The following SORBS2 variants were observed in gnomAD, a reference collection of about 807,000 sequenced individuals.
The protein encoded by SORBS2 is sorbin and SH3 domain containing 2.
SORBS2 carries 46 observed loss-of-function variants against 97.7 expected under a neutral mutation model. The ratio of observed to expected loss-of-function variants is 0.47; its 90% confidence interval spans 0.37 to 0.60. The LOEUF (loss-of-function observed/expected upper bound fraction) is 0.60, where lower values mean the gene tolerates loss of function less well. Among genes scored for constraint, SORBS2 ranks in the 20% least tolerant of loss-of-function variants. The pLI, the probability that SORBS2 is intolerant of heterozygous loss-of-function variation, is 0.00. For synonymous variants in SORBS2, 476 were observed against 473.4 expected (o/e 1.01, Z -0.07); for missense variants, 1,316 against 1,282.3 (o/e 1.03, Z -0.40).
chr4:185,698,717 C>T (rs1168404078), intron 2 of SORBS2, among the ~76,000 whole-genome samples: 1 of 152,146 alleles, frequency 6.6e-6, no homozygotes, highest in Non-Finnish European at 1.5e-5. Flanking sequence ...GTTTCTTCCT[C>T]TAAGACTAAT....
intron 2 of SORBS2, among the ~76,000 whole-genome samples, chr4:185,708,254 A>G (rs1041121426): frequency 1.3e-4 from 20 of 152,228 alleles, no homozygotes; most frequent in Admixed American, 1.0e-3. Context: ...CATATTAAGC[A>G]TGTCATTCCT....
intron 1 of SORBS2, among the ~76,000 whole-genome samples, chr4:185,809,796 T>C (rs189854244): frequency 6.6e-6 from 1 of 152,346 alleles, no homozygotes; most frequent in African/African-American, 2.4e-5. Context: ...CTTGTCTCAC[T>C]TGGTGCCACT....
At chr4:185,746,666 C>A (rs1169413692) in intron 2 of SORBS2, among the ~76,000 whole-genome samples, 2 of 152,072 alleles carry the variant, frequency 1.3e-5, no homozygotes, top group Admixed American at 6.6e-5. Context: ...CAGTCCCAGA[C>A]CAGGCCAAGT....
At chr4:185,757,627 T>G (rs1486285516) in intron 2 of SORBS2, among the ~76,000 whole-genome samples, 6 of 149,862 alleles carry the variant, frequency 4.0e-5, no homozygotes, top group Admixed American at 3.3e-4. Context: ...TCCTGGGAAA[T>G]TAAATCACTG....
At chr4:185,613,324 T>C (rs2096571238) in intron 11 of SORBS2, among the ~76,000 whole-genome samples, 1 of 152,150 alleles carries the variant, frequency 6.6e-6, no homozygotes, top group Non-Finnish European at 1.5e-5. Context: ...TTTTGTGTGC[T>C]TCACCACCGC....
intron 1 of SORBS2, among the ~76,000 whole-genome samples, chr4:185,782,867 G>C (rs1035883025): frequency 2.0e-5 from 3 of 152,228 alleles, no homozygotes; most frequent in Non-Finnish European, 4.4e-5. Context: ...TTATTTGAAA[G>C]GAGCTATGGA....
chr4:185,648,960 T>C (rs1050123118), intron 3 of SORBS2, among the ~76,000 whole-genome samples: 2 of 152,222 alleles, frequency 1.3e-5, no homozygotes, highest in African/African-American at 2.4e-5. Flanking sequence ...TTTATTTTCA[T>C]GTAGATAGTT....
chr4:185,595,953 G>C (rs2096075648), intron 12 of SORBS2, among the ~76,000 whole-genome samples: 1 of 152,080 alleles, frequency 6.6e-6, no homozygotes, highest in Non-Finnish European at 1.5e-5. Flanking sequence ...GTACTCAAAA[G>C]TAACTTGAAA....
At chr4:185,955,546 G>A (rs1045758561) in intron 1 of SORBS2, among the ~76,000 whole-genome samples, 5 of 152,158 alleles carry the variant, frequency 3.3e-5, no homozygotes, top group Non-Finnish European at 5.9e-5. Flanking sequence ...TTTCTCATGG[G>A]TCTTTTGTTA....
chr4:185,872,545 C>G (rs976430850), intron 1 of SORBS2, among the ~76,000 whole-genome samples: 1 of 152,166 alleles, frequency 6.6e-6, no homozygotes, highest in Non-Finnish European at 1.5e-5. Context: ...CAATAACAAT[C>G]ACTTTCAAGG....
At chr4:185,638,217 G>C in intron 4 of SORBS2, 55 bp from the exon 15 acceptor site, 1 of 1,066,982 alleles carries the variant, frequency 9.4e-7, no homozygotes, top group Non-Finnish European at 1.4e-6. Context: ...CAAAGTGAGG[G>C]AAACGCTGTG....
At chr4:185,657,965 G>A (rs2097436350), upstream of SORBS2, among the ~76,000 whole-genome samples, 1 of 152,162 alleles carries the variant, frequency 6.6e-6, no homozygotes, top group Non-Finnish European at 1.5e-5. Flanking sequence ...ATAAGGGGCA[G>A]GAGCTGAGAC....
intron 4 of SORBS2, 122 bp downstream of exon 14, chr4:185,638,755 C>T: frequency 2.2e-6 from 2 of 896,658 alleles, no homozygotes; most frequent in Non-Finnish European, 3.2e-6. Flanking sequence ...TGAGAAGATT[C>T]TGGGGCCTGG....
chr4:185,587,514 A>G, exon 15 of SORBS2: 1 of 847,958 alleles, frequency 1.2e-6, no homozygotes, highest in Non-Finnish European at 1.9e-6. Flanking sequence ...GGAGATGGTG[A>G]CGGCGCATTG....
At chr4:185,765,933 A>G (rs926869013) in intron 2 of SORBS2, among the ~76,000 whole-genome samples, 3 of 152,130 alleles carry the variant, frequency 2.0e-5, no homozygotes, top group Non-Finnish European at 2.9e-5. Flanking sequence ...TTTTTGTCTT[A>G]TTCTGCCTTG....
In SORBS2 at chr4:185,941,774, C is replaced by T. The variant is rs184395324; in HGVS notation, c.-338+14422G>A. On this transcript the variant is annotated intron_variant, in intron 1 of 20. Coordinates refer to the SORBS2 transcript ENST00000284776. ...CACAGAGTCATTTTGGTGGAAAGAACGTTAGAGATTACAGCTTTCAAATTA... is the reference window on the plus strand; with the variant it reads ...CACAGAGTCATTTTGGTGGAAAGAATGTTAGAGATTACAGCTTTCAAATTA... 1.5e-3 allele frequency among the ~76,000 whole-genome samples: 221 copies of T among 152,240 alleles called. 2 individuals are homozygous for T. The highest frequency in any genetic ancestry group is 4.3e-4 in the Non-Finnish European group (29 of 68,022).
intron 14 of SORBS2, among the ~76,000 whole-genome samples, chr4:185,588,436 G>T (rs3814417): frequency 0.14 from 20,612 of 152,110 alleles, 1,597 homozygotes; most frequent in African/African-American, 0.2. Flanking sequence ...GTAAAAGTTG[G>T]TGCACTAAAT....
chr4:185,648,821 A>G (rs966902449), intron 3 of SORBS2, among the ~76,000 whole-genome samples: 2 of 152,168 alleles, frequency 1.3e-5, no homozygotes, highest in Admixed American at 1.3e-4. Context: ...GAATCAAATG[A>G]TATGACACAG....
At chr4:185,614,583 G>T in intron 11 of SORBS2, 1 of 444,228 alleles carries the variant, frequency 2.3e-6, no homozygotes, top group Non-Finnish European at 4.0e-6. Context: ...CCCATGCCCG[G>T]CTTCCCAGAC....
Sources: allele counts gnomAD v4.1 joint callset (sites outside exome capture counted in the v4.1 genomes callset), GRCh38; gene constraint gnomAD v4.1.1; transcripts MANE v1.5; gene names NCBI Gene and HGNC (gene_info 2026-07-23, HGNC 2026-07-21).